The following LINGO2 variants were observed in gnomAD, a reference collection of about 807,000 sequenced individuals.
LINGO2 encodes the protein leucine rich repeat and Ig domain containing 2, also known as leucine-rich repeat and immunoglobulin-like domain-containing nogo receptor-interacting protein 2.
A neutral mutation model predicts 30.6 loss-of-function variants in LINGO2; 14 were observed. The observed-to-expected ratio is 0.46, with a 90% CI of 0.30 to 0.72. The LOEUF is 0.72. LINGO2 is among the 30% of genes least tolerant of loss of function. The pLI, the probability that LINGO2 is intolerant of heterozygous loss-of-function variation, is 0.07. For synonymous variants in LINGO2, 317 were observed against 288.5 expected (o/e 1.10, Z -1.00); for missense variants, 729 against 751.7 (o/e 0.97, Z 0.35).
At chr9:28,263,793 A>G (rs1445573262) in intron 4 of LINGO2, among the ~76,000 whole-genome samples, 1 of 151,990 alleles carries the variant, frequency 6.6e-6, no homozygotes, top group South Asian at 2.1e-4. Context: ...AATGTACCCA[A>G]TTCTTAATGA....
chr9:28,332,321 T>C (rs895497442), intron 3 of LINGO2, among the ~76,000 whole-genome samples: 2 of 152,112 alleles, frequency 1.3e-5, no homozygotes, highest in Non-Finnish European at 2.9e-5. Flanking sequence ...CCGCAATTAC[T>C]TTTGCATCAA....
chr9:28,468,049 C>T (rs1026795897), intron 2 of LINGO2, among the ~76,000 whole-genome samples: 3 of 151,980 alleles, frequency 2.0e-5, no homozygotes, highest in Non-Finnish European at 4.4e-5. Flanking sequence ...CCCTTTTATC[C>T]ATCACAGAAA....
intron 1 of LINGO2, among the ~76,000 whole-genome samples, chr9:28,566,295 T>C (rs1823377914): frequency 1.3e-5 from 2 of 152,176 alleles, no homozygotes; most frequent in African/African-American, 4.8e-5. Context: ...CAATATTTTG[T>C]CAATGAATAT....
intron 1 of LINGO2, among the ~76,000 whole-genome samples, chr9:28,497,410 GA>G (rs1819677316): frequency 6.6e-6 from 1 of 151,984 alleles, no homozygotes; most frequent in African/African-American, 2.4e-5. Flanking sequence ...TCATTCATTT[GA>G]TCTTGAATCA....
At chr9:27,942,472 G>A in the LINGO2 span, 1 of 152,040 alleles carries the variant, frequency 6.6e-6, no homozygotes. Flanking sequence ...TATTTTACAT[G>A]TTAATAAGTT....
chr9:28,880,531 C>T, the LINGO2 span, among the ~76,000 whole-genome samples: 78 of 152,286 alleles, frequency 5.1e-4, no homozygotes, highest in African/African-American at 1.8e-3. Context: ...GCCGCAGGGA[C>T]CTCTGCCCTT....
the LINGO2 span, among the ~76,000 whole-genome samples, chr9:28,839,644 T>G: frequency 2.7e-3 from 406 of 152,222 alleles, 3 homozygotes; most frequent in Non-Finnish European, 4.1e-3. Flanking sequence ...CCAGGGGTTT[T>G]TACATGCTTC....
the LINGO2 span, among the ~76,000 whole-genome samples, chr9:28,759,448 C>T: frequency 2.0e-5 from 3 of 151,906 alleles, no homozygotes; most frequent in Non-Finnish European, 2.9e-5. Flanking sequence ...TTTGGGAGGA[C>T]GAGGCGGGTG....
chr9:28,609,676 T>C (rs1403224679), intron 1 of LINGO2, among the ~76,000 whole-genome samples: 1 of 152,126 alleles, frequency 6.6e-6, no homozygotes, highest in Non-Finnish European at 1.5e-5. Flanking sequence ...TACAGGAATG[T>C]AACTTAGAAA....
the LINGO2 span, among the ~76,000 whole-genome samples, chr9:28,916,136 T>C: frequency 6.6e-6 from 1 of 152,064 alleles, no homozygotes; most frequent in African/African-American, 2.4e-5. Context: ...GCACTAACAT[T>C]TAAAACAGAG....
intron 1 of LINGO2, among the ~76,000 whole-genome samples, chr9:28,494,730 C>A (rs1486238532): frequency 6.6e-6 from 1 of 152,138 alleles, no homozygotes; most frequent in Non-Finnish European, 1.5e-5. Flanking sequence ...TGGGTATATA[C>A]CCAGTAATGG....
chr9:28,973,182 G>T, the LINGO2 span, among the ~76,000 whole-genome samples: 6 of 152,124 alleles, frequency 3.9e-5, no homozygotes, highest in Middle Eastern at 0.01. Context: ...ATCCACGAAG[G>T]TTATAGAACA....
the LINGO2 span, among the ~76,000 whole-genome samples, chr9:29,078,946 T>C: frequency 6.6e-6 from 1 of 151,936 alleles, no homozygotes; most frequent in African/African-American, 2.4e-5. Flanking sequence ...AGAGTAATTA[T>C]TTCATTAAAT....
chr9:28,342,498 T>G (rs1174974923), intron 3 of LINGO2, among the ~76,000 whole-genome samples: 5 of 152,056 alleles, frequency 3.3e-5, no homozygotes, highest in Admixed American at 2.0e-4. Context: ...GAATCTCAAA[T>G]CTCTTGTCAG....
the LINGO2 span, among the ~76,000 whole-genome samples, chr9:28,859,363 A>G: frequency 6.6e-6 from 1 of 152,080 alleles, no homozygotes. Flanking sequence ...AAAGGTTGAT[A>G]TTCTACTAAC....
At chr9:28,023,891 C>T (rs76765588) in intron 4 of LINGO2, among the ~76,000 whole-genome samples, 1,884 of 152,256 alleles carry the variant, frequency 0.012, 50 homozygotes, top group African/African-American at 0.044. Flanking sequence ...CAGCCTCCAA[C>T]AATCCATCAA....
chr9:28,695,310 T>C, the LINGO2 span, among the ~76,000 whole-genome samples: 1 of 151,984 alleles, frequency 6.6e-6, no homozygotes, highest in Non-Finnish European at 1.5e-5. Context: ...AATTGATATA[T>C]AAATATTGGC....
chr9:28,991,094 G>A, the LINGO2 span, among the ~76,000 whole-genome samples: 1 of 152,170 alleles, frequency 6.6e-6, no homozygotes, highest in South Asian at 2.1e-4. Flanking sequence ...TCAAACCAAA[G>A]GCAAAGAAGT....
the LINGO2 span, among the ~76,000 whole-genome samples, chr9:28,917,667 T>C: frequency 2.0e-5 from 3 of 152,118 alleles, no homozygotes; most frequent in Non-Finnish European, 4.4e-5. Context: ...GTCCTGGATA[T>C]AGAAAGAAGC....
Sources: gnomAD v4.1 joint callset for allele counts (sites outside exome capture counted in the v4.1 genomes callset) on GRCh38, gnomAD v4.1.1 for gene constraint, MANE v1.5 for transcripts, NCBI Gene and HGNC (gene_info 2026-07-23, HGNC 2026-07-21) for gene names.